PLA2G2E: variants seen among roughly 807,000 people sequenced by gnomAD.
The protein encoded by PLA2G2E is phospholipase A2 group IIE.
A neutral mutation model predicts 16.5 loss-of-function variants in PLA2G2E; 14 were observed. The ratio of observed to expected loss-of-function variants is 0.85; its 90% CI spans 0.56 to 1.33. The LOEUF (loss-of-function observed/expected upper bound fraction) is 1.33, where lower values mean the gene tolerates loss of function less well. Among genes scored for constraint, PLA2G2E ranks in the 40% most tolerant of loss-of-function variants. The probability of loss-of-function intolerance (pLI) is 0.00; values close to 1 mark genes in which losing one functional copy is unlikely to be tolerated. For synonymous variants in PLA2G2E, 72 were observed against 77.2 expected (o/e 0.93, Z 0.36); for missense variants, 174 against 190.7 (o/e 0.91, Z 0.52).
At chr1:19,921,277 C>T (rs2045812133) in intron 3 of PLA2G2E, among the ~76,000 whole-genome samples, 1 of 152,224 alleles carries the variant, frequency 6.6e-6, no homozygotes. Flanking sequence ...AACGCCGAGC[C>T]GGTCAGCCTC....
At chr1:19,922,953 C>G (rs1438586145) in intron 1 of PLA2G2E, among the ~76,000 whole-genome samples, 198 bp from the exon 2 acceptor site, 2 of 152,116 alleles carry the variant, frequency 1.3e-5, no homozygotes, top group Non-Finnish European at 2.9e-5. Context: ...ACCTTCATCC[C>G]CTAGTCCTCT....
At chr1:19,922,877 CA>C in intron 1 of PLA2G2E, 122 bp from the exon 2 acceptor site, 1 of 1,040,880 alleles carries the variant, frequency 9.6e-7, no homozygotes, top group Non-Finnish European at 1.4e-6. Flanking sequence ...CTCACCTCCC[CA>C]AAGCAACCCA....
chr1:19,920,125 G>C lies in PLA2G2E; in HGVS notation c.*182C>G. 1 of 595,142 alleles carries C rather than the reference G, an allele frequency of 1.7e-6. No individual in the cohort carries two copies. The highest frequency in any genetic ancestry group is 2.9e-6 in the Non-Finnish European group (1 of 340,902). The allele number at this position is 595,142 out of a possible 1,614,324, so 36.9% of individuals were successfully genotyped here. A position where few individuals can be genotyped will look rare whatever the true frequency, so the allele number is the denominator to read the frequency against. On this transcript the variant is annotated 3_prime_UTR_variant, in exon 4 of 4. Coordinates refer to ENST00000375116, the MANE Select transcript of PLA2G2E (RefSeq NM_014589.3). The surrounding 1 kb of genome is among the most constrained non-coding windows in gnomAD (Gnocchi z 4.3). ...CCTGGGGCAGGGTTCTTTCTACAGA[G>C]AAGGGGTAGCCTGGGAGGCTAGTGA...
chr1:19,922,861 G>C lies in PLA2G2E; in HGVS notation c.41-106C>G. 2.2e-6 allele frequency: 3 copies of C among 1,369,306 alleles called. No homozygotes were observed. The Admixed American group carries it at 6.4e-5, about 29-fold the overall frequency. The allele number at this position is 1,369,306 out of a possible 1,614,324, so 84.8% of individuals were successfully genotyped here. A position where few individuals can be genotyped will look rare whatever the true frequency, so the allele number is the denominator to read the frequency against. On this transcript the variant is annotated intron_variant, in intron 1 of 3. Coordinates refer to ENST00000375116, the MANE Select transcript of PLA2G2E (RefSeq NM_014589.3). ...TCACAGGCATCTCTCCAGTTGTCCAGTTAAGCTCACCTCCCCAAAGCAACC... is the reference window on the plus strand; with the variant it reads ...TCACAGGCATCTCTCCAGTTGTCCACTTAAGCTCACCTCCCCAAAGCAACC...
chr1:19,922,413 G>A lies in PLA2G2E; in HGVS notation c.180-9C>T. Reference sequence around the variant, plus strand: ...CGTGGGCGTGGCAGCACCTGTAAGGGTCATGGTTGACCTGGAGGGACCTGT... The same window carrying A: ...CGTGGGCGTGGCAGCACCTGTAAGGATCATGGTTGACCTGGAGGGACCTGT... On this transcript the variant is annotated splice_polypyrimidine_tract_variant and intron_variant, in intron 2 of 3. Transcript: ENST00000375116. The A allele has an allele frequency of 6.2e-7, 1 of 1,612,094 alleles. No individual in the cohort carries two copies. The highest frequency in any genetic ancestry group is 2.2e-5 in the East Asian group (1 of 44,848).
In PLA2G2E at chr1:19,920,501, G is replaced by A. The variant is rs1330547984; in HGVS notation, c.287-52C>T. ...CCACAGAAGCTCAGGATATGTGTGGGACAGCTCTTGGCTGCTTCTGGGTCC... is the reference window on the plus strand; with the variant it reads ...CCACAGAAGCTCAGGATATGTGTGGAACAGCTCTTGGCTGCTTCTGGGTCC... On this transcript the variant is annotated intron_variant, in intron 3 of 3. Transcript: ENST00000375116. The surrounding 1 kb of genome is among the most constrained non-coding windows in gnomAD (Gnocchi z 4.3). 5 of 1,584,370 alleles carry A rather than the reference G, an allele frequency of 3.2e-6. No individual in the cohort carries two copies. The highest frequency in any genetic ancestry group is 3.4e-5 in the Admixed American group (2 of 58,990).
rs374363002 is a variant in PLA2G2E at position 19,920,418 on chromosome 1, G to T, written c.318C>A (p.Cys106Ter). The T allele has an allele frequency of 4.3e-6, 7 of 1,613,702 alleles. No homozygotes were observed. Among genetic ancestry groups the T allele is most frequent in the Non-Finnish European group, 5.9e-6 (7 of 1,179,820 alleles). The change falls in exon 4 of 4, where the codon TGC (cysteine) becomes TGA (stop). Residue 106 changes from cysteine (C) to a stop codon, truncating the protein, a stop_gained. Coordinates refer to ENST00000375116, the MANE Select transcript of PLA2G2E (RefSeq NM_014589.3). LOFTEE classifies it high-confidence loss of function. This position sits in a 1 kb window ranked among gnomAD's most constrained non-coding sequence, Gnocchi z 4.3. ...AGRTTCQRLT[C>*]ECDKRAALCF... ...AGAGGGCAGCCCTCTTGTCACACTC[G>T]CAGGTCAGCCGCTGGCAGGTGGTCC...
rs766115475 is a variant in PLA2G2E, at chr1:19,920,363, G to T, written c.373C>A (p.Arg125Ser). ...CFRRNLGTYN[R>S]KYAHYPNKLC... is the part of the protein sequence containing the mutation. Reference sequence around the variant, plus strand: ...TTGTTGGGATAATGGGCATATTTGCGGTTGTAGGTGCCCAGGTTGCGGCGA... The same window carrying T: ...TTGTTGGGATAATGGGCATATTTGCTGTTGTAGGTGCCCAGGTTGCGGCGA... Residue 125 changes from arginine to serine, a missense_variant, in exon 4 of 4, where the codon CGC becomes AGC. By Grantham distance (110) the Arg-to-Ser change is moderately radical. Coordinates refer to ENST00000375116, the MANE Select transcript of PLA2G2E (RefSeq NM_014589.3). This position sits in a 1 kb window ranked among gnomAD's most constrained non-coding sequence, Gnocchi z 4.3. 1.9e-5 allele frequency: 31 copies of T among 1,613,794 alleles called. No individual in the cohort carries two copies. The highest frequency in any genetic ancestry group is 7.7e-5 in the South Asian group (7 of 91,064).
intron 3 of PLA2G2E, 25 bp downstream of exon 3, chr1:19,922,273 G>C: frequency 1.3e-6 from 2 of 1,545,440 alleles, no homozygotes; most frequent in Non-Finnish European, 1.8e-6. Flanking sequence ...AGGGTGTCTA[G>C]GTCACTTCAG....
At chr1:19,923,007 A>G (rs565244316) in intron 1 of PLA2G2E, among the ~76,000 whole-genome samples, 2 of 151,808 alleles carry the variant, frequency 1.3e-5, no homozygotes, top group African/African-American at 2.4e-5. Context: ...CCACTCTTCT[A>G]TCTACTACAG....
chr1:19,922,862 T>A, intron 1 of PLA2G2E, 107 bp from the exon 2 acceptor site: 1 of 1,352,984 alleles, frequency 7.4e-7, no homozygotes. Flanking sequence ...AGTTGTCCAG[T>A]TAAGCTCACC....
rs544890047 is a variant in PLA2G2E at position 19,922,842 on chromosome 1, G to C, written c.41-87C>G. On this transcript the variant is annotated intron_variant, in intron 1 of 3. Coordinates refer to ENST00000375116, the MANE Select transcript of PLA2G2E (RefSeq NM_014589.3). Reference sequence around the variant, plus strand: ...GATGTCCCCTCAAATCTGATCACAGGCATCTCTCCAGTTGTCCAGTTAAGC... The same window carrying C: ...GATGTCCCCTCAAATCTGATCACAGCCATCTCTCCAGTTGTCCAGTTAAGC... The C allele has an allele frequency of 4.1e-5, 61 of 1,501,062 alleles. No individual in the cohort carries two copies. The East Asian group carries it at 1.3e-3, about 32-fold the overall frequency. 93.0% of individuals were successfully genotyped at this position (1,501,062 alleles called of 1,614,324 possible).
rs994146893 is a variant in PLA2G2E, at chr1:19,922,598, C to A, written c.179+19G>T. On this transcript the variant is annotated intron_variant, in intron 2 of 3. Transcript: ENST00000375116. ...CTCCTCCATCCCCATGGAGGTCCCC[C>A]TGCAGGCTGCTTCCTCACCAGTCAG... 1.2e-6 allele frequency: 2 copies of A among 1,613,338 alleles called. No homozygotes were observed. The highest frequency in any genetic ancestry group is 1.7e-5 in the Admixed American group (1 of 59,980).
intron 1 of PLA2G2E, 117 bp from the exon 2 acceptor site, chr1:19,922,872 C>T: frequency 1.7e-6 from 2 of 1,151,756 alleles, no homozygotes; most frequent in Non-Finnish European, 2.4e-6. Context: ...TTAAGCTCAC[C>T]TCCCCAAAGC....
chr1:19,920,379 G>A lies in PLA2G2E; in HGVS notation c.357C>T (p.Asn119=). The A allele has an allele frequency of 6.2e-7, 1 of 1,613,888 alleles. No homozygotes were observed. The highest frequency in any genetic ancestry group is 8.5e-7 in the Non-Finnish European group (1 of 1,179,848). Residue 119 remains asparagine, a synonymous_variant, in exon 4 of 4, where the codon AAC becomes AAT. Transcript: ENST00000375116. The surrounding 1 kb of genome is among the most constrained non-coding windows in gnomAD (Gnocchi z 4.3). ...DKRAALCFRR[N]LGTYNRKYAH... ...CATATTTGCGGTTGTAGGTGCCCAG[G>A]TTGCGGCGAAAGCAGAGGGCAGCCC... is the stretch of plus-strand genomic sequence containing the variant.
chr1:19,921,555 G>A lies in PLA2G2E; in HGVS notation c.286+743C>T, dbSNP rs190119919. 5.3e-5 allele frequency among the ~76,000 whole-genome samples: 8 copies of A among 152,328 alleles called. No homozygotes were observed. The East Asian group carries it at 1.5e-3, about 29-fold the overall frequency. ...GACTCAGTACCTGGCACATTGCCCT[G>A]CCGAGTGGTTGGCGGCAGAGGAAAT... On this transcript the variant is annotated intron_variant, in intron 3 of 3. Transcript: ENST00000375116.
At chr1:19,922,793 C>T (rs761877102) in intron 1 of PLA2G2E, 38 bp from the exon 2 acceptor site, 1 of 1,512,552 alleles carries the variant, frequency 6.6e-7, no homozygotes, top group Admixed American at 1.7e-5. Flanking sequence ...GGGAGGGCCC[C>T]ACCCTCTGCA....
chr1:19,923,569 G>C lies in PLA2G2E; in HGVS notation c.-10C>G, dbSNP rs61753361. On this transcript the variant is annotated 5_prime_UTR_variant, in exon 1 of 4. Coordinates refer to ENST00000375116, the MANE Select transcript of PLA2G2E (RefSeq NM_014589.3). ...CGTGGGGAGATTTCATCCCAGGTTG[G>C]GGGGAAGGGAGGTGCACAAGGAGCA... The C allele has an allele frequency of 6.5e-3, 10,074 of 1,549,886 alleles. 57 individuals carry two copies. Among genetic ancestry groups the C allele is most frequent in the Non-Finnish European group, 7.6e-3 (8,666 of 1,146,136 alleles).
intron 3 of PLA2G2E, 94 bp downstream of exon 3, chr1:19,922,204 C>T: frequency 1.2e-6 from 1 of 842,538 alleles, no homozygotes; most frequent in Non-Finnish European, 1.9e-6. Context: ...TCTGATAAGG[C>T]CCAAGGTCAC....
Sources: allele counts gnomAD v4.1 joint callset (sites outside exome capture counted in the v4.1 genomes callset), GRCh38; gene constraint gnomAD v4.1.1; non-coding constraint Gnocchi (gnomAD v3.1); transcripts MANE v1.5; gene names NCBI Gene and HGNC (gene_info 2026-07-23, HGNC 2026-07-21).